RPTOR: variants seen among roughly 807,000 people sequenced by gnomAD.
RPTOR encodes regulatory associated protein of MTOR complex 1.
A neutral mutation model predicts 169.9 loss-of-function variants in RPTOR; 21 were observed. The observed-to-expected ratio is 0.12, with a 90% CI of 0.09 to 0.18. The LOEUF is 0.18. RPTOR is among the 10% of genes least tolerant of loss of function. The probability of loss-of-function intolerance (pLI) is 1.00; values close to 1 mark genes in which losing one functional copy is unlikely to be tolerated. For missense variants in RPTOR, 1,133 were observed against 1,855.9 expected (o/e 0.61, Z 7.16); for synonymous variants, 732 against 753.2 (o/e 0.97, Z 0.46).
At position 80,959,540 on chromosome 17, in the gene RPTOR, G is replaced by T. The variant is rs74001161; in HGVS notation, c.3478-538G>T. On this transcript the variant is annotated intron_variant, in intron 29 of 33. Transcript: ENST00000306801. This position sits in a 1 kb window ranked among gnomAD's most constrained non-coding sequence, Gnocchi z 6.7. Reference sequence around the variant, plus strand: ...CCTCTCGTGGCCCTTTTCCTCCTGCGTCCCTGGCAGGTGCCATCGCCCCCG... The same window carrying T: ...CCTCTCGTGGCCCTTTTCCTCCTGCTTCCCTGGCAGGTGCCATCGCCCCCG... 6.6e-6 allele frequency among the ~76,000 whole-genome samples: 1 copy of T among 152,120 alleles called. No individual in the cohort carries two copies.
chr17:80,696,069 T>C (rs2066033817), intron 3 of RPTOR, among the ~76,000 whole-genome samples: 1 of 152,216 alleles, frequency 6.6e-6, no homozygotes, highest in African/African-American at 2.4e-5. Flanking sequence ...TGAGTCCCTG[T>C]AGGGCAGGAT....
chr17:80,945,505 T>C (rs536726148), intron 25 of RPTOR, 162 bp from the exon 26 acceptor site: 17 of 460,676 alleles, frequency 3.7e-5, no homozygotes, highest in Non-Finnish European at 5.9e-5. Flanking sequence ...GGCAGGAGAA[T>C]GGTGTGAACC....
chr17:80,561,255 ATATATATG>A (rs1448717808), intron 1 of RPTOR, among the ~76,000 whole-genome samples: 71 of 4,782 alleles, frequency 0.015, 2 homozygotes, highest in Non-Finnish European at 0.019. Context: ...ATATATGTAT[ATATATATG>A]TATATATATA....
rs1258766522 is a variant in RPTOR, at chr17:80,665,455, T to G, written c.348+21645T>G. The stretch of plus-strand genomic sequence containing the variant: ...TTCCTTTCCTTTCCTTTCCTTTCCT[T>G]TCCTTTCCTTTCCTTTCCTTTCCTT... On this transcript the variant is annotated intron_variant, in intron 3 of 33. Coordinates refer to ENST00000306801, the MANE Select transcript of RPTOR (RefSeq NM_020761.3). 1.0e-3 allele frequency among the ~76,000 whole-genome samples: 28 copies of G among 27,642 alleles called. 1 individual carries two copies. The African/African-American group carries it at 0.011, about 10-fold the overall frequency. The allele number at this position is 27,642 out of a possible 152,430, so 18.1% of individuals were successfully genotyped here.
At chr17:80,909,691 G>A (rs1289056497) in intron 21 of RPTOR, 1 of 151,958 alleles carries the variant, frequency 6.6e-6, no homozygotes, top group East Asian at 1.9e-4. Context: ...TCTGATAGCA[G>A]TAATTTTTGA....
chr17:80,681,662 G>GTTGAAT (rs1567854330), intron 3 of RPTOR, among the ~76,000 whole-genome samples: 5 of 85,176 alleles, frequency 5.9e-5, no homozygotes, highest in Non-Finnish European at 9.2e-5. Flanking sequence ...CCTTCATGAG[G>GTTGAAT]TGTACGTCTC....
chr17:80,922,171 G>A lies in RPTOR; in HGVS notation c.2521-553G>A, dbSNP rs111902513. Reference sequence around the variant, plus strand: ...ACCCCGTGCCCACCGGCCAGGTCCCGGGTGGATGAAGCACTCCCTGACCCT... The same window carrying A: ...ACCCCGTGCCCACCGGCCAGGTCCCAGGTGGATGAAGCACTCCCTGACCCT... On this transcript the variant is annotated intron_variant, in intron 21 of 33. Coordinates refer to ENST00000306801, the MANE Select transcript of RPTOR (RefSeq NM_020761.3). Among the ~76,000 whole-genome samples the A allele has an allele frequency of 6.0e-3, 908 of 152,328 alleles. 3 individuals are homozygous for A. Among genetic ancestry groups the A allele is most frequent in the Admixed American group, 0.01 (154 of 15,306 alleles).
intron 7 of RPTOR, among the ~76,000 whole-genome samples, chr17:80,816,183 G>A (rs1439845704): frequency 2.0e-5 from 3 of 152,262 alleles, no homozygotes; most frequent in African/African-American, 7.2e-5. Flanking sequence ...GGGCCCAGCT[G>A]TGTGTTAAGA....
rs1226883997 is a variant in RPTOR at position 80,760,305 on chromosome 17, TTC to T, written c.830+6122_830+6123del. 1.1e-4 allele frequency among the ~76,000 whole-genome samples: 15 copies of T among 132,450 alleles called. 1 individual carries two copies. Among genetic ancestry groups the T allele is most frequent in the African/African-American group, 4.2e-4 (13 of 31,062 alleles). 86.9% of individuals were successfully genotyped at this position (132,450 alleles called of 152,430 possible). On this transcript the variant is annotated intron_variant, in intron 6 of 33. Coordinates refer to ENST00000306801, the MANE Select transcript of RPTOR (RefSeq NM_020761.3). Reference sequence around the variant, plus strand: ...CCAGTCGAGCTTTCTTTTTTCTTTTTTCTTTTTTTTTTTTTTGAGACCGAGTC... The same window carrying T: ...CCAGTCGAGCTTTCTTTTTTCTTTTTTTTTTTTTTTTTTTGAGACCGAGTC...
At position 80,731,009 on chromosome 17, in the gene RPTOR, G is replaced by A. The variant is rs559870742; in HGVS notation, c.654+303G>A. ...CCTTCTCAGCCTCCTGAGTAGCTGA[G>A]ACTACAGGTGCACGCCACGCCACCA... On this transcript the variant is annotated intron_variant, in intron 5 of 33. Coordinates refer to ENST00000306801, the MANE Select transcript of RPTOR (RefSeq NM_020761.3). Among the ~76,000 whole-genome samples, 9 of 152,250 alleles carry A rather than the reference G, an allele frequency of 5.9e-5. No homozygotes were observed. In the East Asian group the frequency reaches 1.5e-3, roughly 26 times the overall value.
chr17:80,654,778 C>T (rs964986800), intron 3 of RPTOR, among the ~76,000 whole-genome samples: 14 of 152,204 alleles, frequency 9.2e-5, no homozygotes, highest in African/African-American at 3.4e-4. Flanking sequence ...GAAGAAGGCA[C>T]AGATAATCAG....
At chr17:80,833,802 C>T (rs2067533727) in intron 9 of RPTOR, among the ~76,000 whole-genome samples, 1 of 152,192 alleles carries the variant, frequency 6.6e-6, no homozygotes, top group African/African-American at 2.4e-5. Context: ...CCCGCCTGAC[C>T]AACATGGTGA....
rs549639889 is a variant in RPTOR at position 80,959,499 on chromosome 17, C to T, written c.3478-579C>T. ...GCACAACCCAGCACCGCCCATCGTG[C>T]GTGGAAAGCGCTCTCCCTCTCGTGG... is the stretch of plus-strand genomic sequence containing the variant. On this transcript the variant is annotated intron_variant, in intron 29 of 33. Transcript: ENST00000306801. This position sits in a 1 kb window ranked among gnomAD's most constrained non-coding sequence, Gnocchi z 6.7. 1.4e-4 allele frequency among the ~76,000 whole-genome samples: 22 copies of T among 152,288 alleles called. No individual in the cohort carries two copies. The highest frequency in any genetic ancestry group is 4.1e-4 in the African/African-American group (17 of 41,570).
At chr17:80,822,344 G>C in intron 8 of RPTOR, 43 bp downstream of exon 8, 1 of 1,578,766 alleles carries the variant, frequency 6.3e-7, no homozygotes, top group South Asian at 1.1e-5. Context: ...CTATGGCCTT[G>C]AGTGCGCGGG....
At chr17:80,647,552 C>T (rs962047165) in intron 3 of RPTOR, among the ~76,000 whole-genome samples, 5 of 152,154 alleles carry the variant, frequency 3.3e-5, no homozygotes, top group Admixed American at 2.0e-4. Flanking sequence ...GAGTGGACAA[C>T]ACCAGAAGCA....
chr17:80,665,597 T>G (rs912837438), intron 3 of RPTOR, among the ~76,000 whole-genome samples: 34 of 150,290 alleles, frequency 2.3e-4, no homozygotes, highest in African/African-American at 8.3e-4. Flanking sequence ...CAGGCTGGAG[T>G]GCAGTGGCGT....
intron 6 of RPTOR, among the ~76,000 whole-genome samples, chr17:80,757,752 T>G (rs1311732621): frequency 6.6e-6 from 1 of 152,138 alleles, no homozygotes; most frequent in Non-Finnish European, 1.5e-5. Context: ...GACGGTCTTT[T>G]GGGGCCTCTG....
intron 1 of RPTOR, among the ~76,000 whole-genome samples, chr17:80,590,127 A>G (rs1246915389): frequency 2.6e-5 from 4 of 152,296 alleles, no homozygotes; most frequent in African/African-American, 7.2e-5. Context: ...TTGTGCATCT[A>G]TCAAGATGAT....
At chr17:80,588,302 A>G (rs193254538) in intron 1 of RPTOR, among the ~76,000 whole-genome samples, 26 of 152,042 alleles carry the variant, frequency 1.7e-4, no homozygotes, top group Non-Finnish European at 2.8e-4. Flanking sequence ...AGCTGGGATT[A>G]CAGGTGTTCA....
Sources: gnomAD v4.1 joint callset for allele counts (sites outside exome capture counted in the v4.1 genomes callset) on GRCh38, gnomAD v4.1.1 for gene constraint, Gnocchi (gnomAD v3.1) non-coding constraint, MANE v1.5 for transcripts, NCBI Gene and HGNC (gene_info 2026-07-23, HGNC 2026-07-21) for gene names.